Variants in GATAD2A observed in about 807,000 individuals in gnomAD.
The protein encoded by GATAD2A is GATA zinc finger domain containing 2A, also known as transcriptional repressor p66-alpha.
A neutral mutation model predicts 68.5 loss-of-function variants in GATAD2A; 12 were observed. The ratio of observed to expected loss-of-function variants is 0.18; its 90% CI spans 0.11 to 0.28. The LOEUF (loss-of-function observed/expected upper bound fraction) is 0.28. Among genes scored for constraint, GATAD2A ranks in the 10% least tolerant of loss-of-function variants. The pLI is 1.00. For synonymous variants in GATAD2A, 410 were observed against 375.3 expected (o/e 1.09, Z -1.07); for missense variants, 755 against 868.5 (o/e 0.87, Z 1.64).
intron 1 of GATAD2A, among the ~76,000 whole-genome samples, chr19:19,442,394 G>A (rs1442219341): frequency 6.6e-6 from 1 of 152,072 alleles, no homozygotes; most frequent in African/African-American, 2.4e-5. Flanking sequence ...GGGAGGCTGA[G>A]GCAGGTGGAT....
chr19:19,427,501 T>C (rs1228493622), intron 1 of GATAD2A: 1 of 152,132 alleles, frequency 6.6e-6, no homozygotes, highest in East Asian at 1.9e-4. Flanking sequence ...GACATCATCT[T>C]GGGATCACAA....
At chr19:19,500,457 A>T (rs964164183) in intron 8 of GATAD2A, among the ~76,000 whole-genome samples, 5 of 152,104 alleles carry the variant, frequency 3.3e-5, no homozygotes, top group Non-Finnish European at 7.4e-5. Flanking sequence ...GCTGAACACA[A>T]AAAAGGTCGG....
At chr19:19,394,979 C>G (rs1185364869) in intron 1 of GATAD2A, among the ~76,000 whole-genome samples, 1 of 152,142 alleles carries the variant, frequency 6.6e-6, no homozygotes, top group African/African-American at 2.4e-5. Flanking sequence ...CAAGTTCTGA[C>G]TCTGGAGGTG....
chr19:19,475,789 G>A (rs564364952), intron 2 of GATAD2A, among the ~76,000 whole-genome samples: 3 of 152,210 alleles, frequency 2.0e-5, no homozygotes, highest in Admixed American at 2.0e-4. Flanking sequence ...CCCCTTTCCT[G>A]CAGGCTCCTC....
At chr19:19,444,707 C>T (rs894481253) in intron 1 of GATAD2A, among the ~76,000 whole-genome samples, 3 of 151,866 alleles carry the variant, frequency 2.0e-5, no homozygotes, top group African/African-American at 7.3e-5. Context: ...CTCGTCTCTA[C>T]AAAAAGTACA....
chr19:19,442,470 A>G (rs1028470884), intron 1 of GATAD2A, among the ~76,000 whole-genome samples: 3 of 152,082 alleles, frequency 2.0e-5, no homozygotes, highest in African/African-American at 7.2e-5. Context: ...TACTGAAAAT[A>G]TAAAAATTAG....
At chr19:19,417,937 C>G (rs1028834265) in intron 1 of GATAD2A, among the ~76,000 whole-genome samples, 1 of 152,164 alleles carries the variant, frequency 6.6e-6, no homozygotes, top group Non-Finnish European at 1.5e-5. Flanking sequence ...AGGGAGATTC[C>G]TGCCTTCCGG....
At chr19:19,460,735 AC>A (rs1374904557) in intron 1 of GATAD2A, among the ~76,000 whole-genome samples, 1 of 151,692 alleles carries the variant, frequency 6.6e-6, no homozygotes, top group Admixed American at 6.6e-5. Context: ...GAGTGCCCCA[AC>A]TCCCCTCTGC....
In GATAD2A at chr19:19,508,006, A is replaced by G. The variant is rs946718814; in HGVS notation, c.*2532A>G. 6.6e-6 allele frequency: 1 copy of G among 152,186 alleles called. No homozygotes were observed. The highest frequency in any genetic ancestry group is 1.5e-5 in the Non-Finnish European group (1 of 68,026). The allele number at this position is 152,186 out of a possible 1,614,324, so 9.4% of individuals were successfully genotyped here. A position where few individuals can be genotyped will look rare whatever the true frequency, so the allele number is the denominator to read the frequency against. ...GATTAATGTTAAGGGTGTTCTACCCACAGCAAAGCACACCCTCTTAAACCA... is the reference window on the plus strand; with the variant it reads ...GATTAATGTTAAGGGTGTTCTACCCGCAGCAAAGCACACCCTCTTAAACCA... On this transcript the variant is annotated 3_prime_UTR_variant, in exon 12 of 12. Transcript: ENST00000683918.
chr19:19,463,055 T>C (rs2057577465), intron 1 of GATAD2A, among the ~76,000 whole-genome samples: 1 of 151,976 alleles, frequency 6.6e-6, no homozygotes, highest in Admixed American at 6.6e-5. Flanking sequence ...TCCCCAACAG[T>C]AGTTATAAGG....
At position 19,425,651 on chromosome 19, in the gene GATAD2A, A is replaced by G. The variant is rs920039294; in HGVS notation, c.-7+19632A>G. Among the ~76,000 whole-genome samples the G allele has an allele frequency of 2.6e-5, 4 of 152,052 alleles. No individual in the cohort carries two copies. In the East Asian group the frequency reaches 7.7e-4, roughly 29 times the overall value. ...GGGGTCACTGGGCATTTTGTTTTTC[A>G]CCCAGCATCTGTGGACTCAGCCACA... On this transcript the variant is annotated intron_variant, in intron 1 of 11. Transcript: ENST00000683918.
At chr19:19,411,935 G>T (rs1430704227) in intron 1 of GATAD2A, among the ~76,000 whole-genome samples, 1 of 152,120 alleles carries the variant, frequency 6.6e-6, no homozygotes, top group African/African-American at 2.4e-5. Flanking sequence ...CTAACAATTT[G>T]GAGGCCTAAG....
chr19:19,429,326 G>A, intron 1 of GATAD2A: 3 of 678,660 alleles, frequency 4.4e-6, no homozygotes, highest in Non-Finnish European at 5.5e-6. Context: ...GGGCTCTCCT[G>A]GCCATGGGAA....
chr19:19,412,924 C>T (rs964220789), intron 1 of GATAD2A, among the ~76,000 whole-genome samples: 7 of 152,124 alleles, frequency 4.6e-5, no homozygotes, highest in Non-Finnish European at 7.4e-5. Flanking sequence ...CAGAGGTAAC[C>T]CCATTGTAAG....
chr19:19,429,206 G>A, intron 1 of GATAD2A: 1 of 985,258 alleles, frequency 1.0e-6, no homozygotes, highest in South Asian at 4.7e-5. Flanking sequence ...ATTTCAAGTA[G>A]CAAGTTTCAG....
intron 2 of GATAD2A, among the ~76,000 whole-genome samples, chr19:19,478,588 T>C (rs557797306): frequency 1.3e-5 from 2 of 151,192 alleles, no homozygotes; most frequent in African/African-American, 2.4e-5. Context: ...AGTGAGACTC[T>C]GTCTCAAAAA....
At chr19:19,447,999 C>T (rs1438712478) in intron 1 of GATAD2A, among the ~76,000 whole-genome samples, 1 of 152,242 alleles carries the variant, frequency 6.6e-6, no homozygotes, top group African/African-American at 2.4e-5. Context: ...GACTACAGCC[C>T]TGGAAGGGTT....
chr19:19,401,476 G>A (rs2049744070), upstream of GATAD2A, among the ~76,000 whole-genome samples: 1 of 152,072 alleles, frequency 6.6e-6, no homozygotes, highest in Non-Finnish European at 1.5e-5. Context: ...GCCTCCCAAA[G>A]TGCTGGGATT....
upstream of GATAD2A, among the ~76,000 whole-genome samples, chr19:19,404,976 AC>A (rs1433604788): frequency 6.6e-6 from 1 of 152,182 alleles, no homozygotes; most frequent in Non-Finnish European, 1.5e-5. Context: ...ATGTAGTTTA[AC>A]ATCTCCAAAG....
Sources: gnomAD v4.1 joint callset for allele counts (sites outside exome capture counted in the v4.1 genomes callset) on GRCh38, gnomAD v4.1.1 for gene constraint, MANE v1.5 for transcripts, NCBI Gene and HGNC (gene_info 2026-07-23, HGNC 2026-07-21) for gene names.